Variants in CALN1 observed in about 807,000 individuals in gnomAD.
CALN1 encodes calcium-binding protein 8.
Under a neutral mutation model 30.6 loss-of-function variants are expected in CALN1, and 17 were observed. The ratio of observed to expected loss-of-function variants is 0.56; its 90% CI spans 0.38 to 0.83. The LOEUF (loss-of-function observed/expected upper bound fraction) is 0.83. Among genes scored for constraint, CALN1 ranks in the 40% least tolerant of loss-of-function variants. The pLI is 0.00. For synonymous variants in CALN1, 156 were observed against 131.4 expected (o/e 1.19, Z -1.28); for missense variants, 291 against 354.9 (o/e 0.82, Z 1.45).
chr7:72,405,179 C>T (rs1207008840), intron 1 of CALN1, among the ~76,000 whole-genome samples: 2 of 152,178 alleles, frequency 1.3e-5, no homozygotes, highest in East Asian at 3.9e-4. Flanking sequence ...GTTGGGATCT[C>T]AAAGACACCT....
chr7:72,393,608 T>G (rs2129561560), intron 2 of CALN1, among the ~76,000 whole-genome samples: 1 of 152,274 alleles, frequency 6.6e-6, no homozygotes, highest in Middle Eastern at 3.4e-3. Context: ...AGATGTCAGA[T>G]GTACTCTGTC....
chr7:71,846,550 A>G (rs1185191352), intron 5 of CALN1, among the ~76,000 whole-genome samples: 1 of 151,934 alleles, frequency 6.6e-6, no homozygotes, highest in Admixed American at 6.6e-5. Flanking sequence ...GTGTGTATAG[A>G]TAGATATAGA....
At chr7:71,803,445 C>T (rs1396107508) in intron 6 of CALN1, among the ~76,000 whole-genome samples, 2 of 152,110 alleles carry the variant, frequency 1.3e-5, no homozygotes, top group Non-Finnish European at 2.9e-5. Flanking sequence ...GCCCCTGATA[C>T]AGGGTTTCCT....
At chr7:72,316,781 C>A (rs11981237) in intron 2 of CALN1, among the ~76,000 whole-genome samples, 44,066 of 151,374 alleles carry the variant, frequency 0.29, 7,029 homozygotes, top group Non-Finnish European at 0.35. Context: ...CCTGTTTCTA[C>A]AAAAAACTTA....
At chr7:72,306,969 G>A (rs1799699744) in intron 2 of CALN1, among the ~76,000 whole-genome samples, 1 of 152,190 alleles carries the variant, frequency 6.6e-6, no homozygotes, top group Non-Finnish European at 1.5e-5. Context: ...CGGAAGAGAG[G>A]AAGAGCCTCA....
intron 4 of CALN1, among the ~76,000 whole-genome samples, chr7:72,083,621 G>A (rs990861228): frequency 5.9e-5 from 9 of 151,898 alleles, no homozygotes; most frequent in Non-Finnish European, 1.0e-4. Context: ...AAAATGCAAG[G>A]AATAAAAAAT....
intron 2 of CALN1, among the ~76,000 whole-genome samples, chr7:72,302,803 G>A (rs1585415935): frequency 1.4e-5 from 2 of 140,678 alleles, no homozygotes; most frequent in Admixed American, 1.6e-4. Flanking sequence ...ACTGAGGCAC[G>A]AGAATTGCTT....
chr7:71,869,418 G>C (rs1048034720), intron 5 of CALN1, among the ~76,000 whole-genome samples: 11 of 152,062 alleles, frequency 7.2e-5, no homozygotes, highest in African/African-American at 2.7e-4. Context: ...CACCATATTA[G>C]CCAGGCTGGT....
At chr7:72,041,662 G>A (rs1195296320) in intron 4 of CALN1, among the ~76,000 whole-genome samples, 1 of 152,164 alleles carries the variant, frequency 6.6e-6, no homozygotes, top group Admixed American at 6.5e-5. Context: ...GGGATTACAG[G>A]TGTGAGCCAC....
chr7:71,963,389 C>T (rs1180672833), intron 5 of CALN1, among the ~76,000 whole-genome samples: 1 of 152,120 alleles, frequency 6.6e-6, no homozygotes. Flanking sequence ...TCTTGATCTC[C>T]TTACCTCGTG....
intron 2 of CALN1, among the ~76,000 whole-genome samples, chr7:72,327,035 T>G (rs528157211): frequency 6.6e-6 from 1 of 152,350 alleles, no homozygotes; most frequent in South Asian, 2.1e-4. Flanking sequence ...CTGAATCACA[T>G]GAGACTCCAA....
At chr7:72,237,865 A>G (rs371684547) in intron 3 of CALN1, among the ~76,000 whole-genome samples, 12 of 152,216 alleles carry the variant, frequency 7.9e-5, no homozygotes, top group African/African-American at 2.9e-4. Context: ...GTGCCCCAGA[A>G]ATGTTACCAT....
the CALN1 span, among the ~76,000 whole-genome samples, chr7:72,480,637 A>T: frequency 6.6e-6 from 1 of 152,218 alleles, no homozygotes; most frequent in African/African-American, 2.4e-5. Context: ...TTCAGAATTC[A>T]TCAGTGAAGC....
chr7:72,063,703 G>C (rs844757), intron 4 of CALN1, among the ~76,000 whole-genome samples: 73,894 of 151,980 alleles, frequency 0.49, 18,180 homozygotes, highest in East Asian at 0.65. Flanking sequence ...CCTAAAATCT[G>C]AAATCAGAAA....
intron 3 of CALN1, among the ~76,000 whole-genome samples, chr7:72,156,438 A>G (rs980271509): frequency 2.6e-5 from 4 of 152,136 alleles, no homozygotes; most frequent in African/African-American, 9.7e-5. Context: ...TGGGCACCTG[A>G]TGGAGAGTAG....
chr7:72,181,534 T>C (rs999608347), intron 3 of CALN1, among the ~76,000 whole-genome samples: 2 of 150,722 alleles, frequency 1.3e-5, no homozygotes, highest in Non-Finnish European at 2.9e-5. Flanking sequence ...GCTGGAGTGC[T>C]ATGGCATGGT....
the CALN1 span, among the ~76,000 whole-genome samples, chr7:72,493,501 G>A: frequency 7.4e-4 from 112 of 152,132 alleles, no homozygotes; most frequent in African/African-American, 2.4e-3. Context: ...ACCACTCCCA[G>A]CTAATTTTTG....
the CALN1 span, among the ~76,000 whole-genome samples, chr7:72,454,220 T>C: frequency 6.6e-6 from 1 of 152,102 alleles, no homozygotes; most frequent in African/African-American, 2.4e-5. Flanking sequence ...CTGAGAATCA[T>C]GCAAAGAATA....
intron 3 of CALN1, among the ~76,000 whole-genome samples, chr7:72,267,853 A>G (rs566266948): frequency 6.6e-6 from 1 of 152,212 alleles, no homozygotes; most frequent in South Asian, 2.1e-4. Flanking sequence ...CTAAAAATTT[A>G]AAAATTAGCT....
Sources: gnomAD v4.1 joint callset for allele counts (sites outside exome capture counted in the v4.1 genomes callset) on GRCh38, gnomAD v4.1.1 for gene constraint, MANE v1.5 for transcripts, NCBI Gene and HGNC (gene_info 2026-07-23, HGNC 2026-07-21) for gene names.